CDC42: variants seen among roughly 807,000 people sequenced by gnomAD.
CDC42 encodes the protein cell division control protein 42 homolog.
In CDC42, 1 loss-of-function variant was observed where a neutral mutation model predicts 20.8. The ratio of observed to expected loss-of-function variants is 0.05; its 90% CI spans 0.02 to 0.23. CDC42 has a LOEUF of 0.23. Among genes scored for constraint, CDC42 ranks in the 10% least tolerant of loss-of-function variants. The pLI is 1.00. For synonymous variants in CDC42, 72 were observed against 84.8 expected, an observed-to-expected ratio of 0.85 and a Z score of 0.83; for missense variants, 49 against 227.9, an observed-to-expected ratio of 0.21 and a Z score of 5.05.
At chr1:22,074,167 C>G (rs531467374) in intron 1 of CDC42, 1 of 152,094 alleles carries the variant, frequency 6.6e-6, no homozygotes, top group Admixed American at 6.5e-5. Flanking sequence ...GCCTCTGCCC[C>G]CCGAGTTCAA....
At position 22,089,913 on chromosome 1, in the gene CDC42, C is replaced by T. The variant is rs1364227360; in HGVS notation, c.487-1515C>T. ...TCTTTCTAATCCTCTAACCTGGCTG[C>T]TATTCTCTCTCCTCCCCTCTGTCTT... On this transcript the variant is annotated intron_variant, in intron 5 of 5. Transcript: ENST00000656825. 2.7e-5 allele frequency: 43 copies of T among 1,608,738 alleles called. No homozygotes were observed. The Admixed American group carries it at 5.7e-4, about 21-fold the overall frequency.
chr1:22,075,870 A>G (rs917460688), intron 1 of CDC42, among the ~76,000 whole-genome samples: 4 of 152,214 alleles, frequency 2.6e-5, no homozygotes, highest in African/African-American at 7.2e-5. Context: ...AACAAATTGC[A>G]GAGCAGTCAG....
Position 22,092,514 on chromosome 1 carries a change from T to C in CDC42, c.*997T>C, listed in dbSNP as rs1410511287. 1 of 147,892 alleles carries C rather than the reference T, an allele frequency of 6.8e-6. No individual in the cohort carries two copies. The highest frequency in any genetic ancestry group is 1.5e-5 in the Non-Finnish European group (1 of 67,466). 9.2% of individuals were successfully genotyped at this position (147,892 alleles called of 1,614,324 possible). Reference sequence around the variant, plus strand: ...TGTTATGTAGAGGAAATACGAGGGGTGGTGCTAGAAGACAGACATCTGTGG... The same window carrying C: ...TGTTATGTAGAGGAAATACGAGGGGCGGTGCTAGAAGACAGACATCTGTGG... On this transcript the variant is annotated 3_prime_UTR_variant, in exon 6 of 6. Coordinates refer to ENST00000656825, the MANE Select transcript of CDC42 (RefSeq NM_001791.4).
At position 22,064,967 on chromosome 1, in the gene CDC42, C is replaced by T. The variant is rs556581182; in HGVS notation, c.-51+12225C>T. On this transcript the variant is annotated intron_variant, in intron 1 of 5. Transcript: ENST00000656825. ...CAGGCGTGCATTCTGGGATTACAGG[C>T]GTGAGCCACCGCTAAATTGCCTGCA... Among the ~76,000 whole-genome samples the T allele has an allele frequency of 3.3e-5, 5 of 152,140 alleles. No individual in the cohort carries two copies. The East Asian group carries it at 9.7e-4, about 29-fold the overall frequency.
chr1:22,085,330 C>T (rs897088830), intron 3 of CDC42, among the ~76,000 whole-genome samples: 1 of 151,942 alleles, frequency 6.6e-6, no homozygotes, highest in African/African-American at 2.4e-5. Flanking sequence ...CTCCCTATGC[C>T]AATACCGCAC....
rs1645773714 is a variant in CDC42 at position 22,098,938 on chromosome 1, G to A, written c.*7421G>A. On this transcript the variant is annotated 3_prime_UTR_variant, in exon 6 of 6. Transcript: ENST00000656825. ...CACGCCTGGCTCATTTTTGCATTTTGTGTAGAGAGGGGGTTTTGCCATTTT... is the reference window on the plus strand; with the variant it reads ...CACGCCTGGCTCATTTTTGCATTTTATGTAGAGAGGGGGTTTTGCCATTTT... Among the ~76,000 whole-genome samples, 1 of 152,048 alleles carries A rather than the reference G, an allele frequency of 6.6e-6. No individual in the cohort carries two copies. Among genetic ancestry groups the A allele is most frequent in the African/African-American group, 2.4e-5 (1 of 41,400 alleles).
intron 5 of CDC42, 54 bp from the exon 6 acceptor site, chr1:22,091,374 A>T: frequency 8.6e-7 from 1 of 1,168,728 alleles, no homozygotes; most frequent in African/African-American, 1.5e-5. Flanking sequence ...TTGAACTCCA[A>T]CTTTATTATA....
intron 1 of CDC42, among the ~76,000 whole-genome samples, chr1:22,061,950 T>C (rs185774358): frequency 3.0e-4 from 46 of 151,934 alleles, no homozygotes; most frequent in Admixed American, 1.4e-3. Flanking sequence ...TTATTTCTTT[T>C]TTTTGGAGAA....
In CDC42 at chr1:22,097,522, G is replaced by C. The variant is rs1428450783; in HGVS notation, c.*6005G>C. 2.6e-5 allele frequency among the ~76,000 whole-genome samples: 4 copies of C among 152,260 alleles called. No homozygotes were observed. The highest frequency in any genetic ancestry group is 2.6e-4 in the Admixed American group (4 of 15,286). The stretch of plus-strand genomic sequence containing the variant: ...CTCCCTAAGTGCTGGGATTATAGGC[G>C]TGAGCCACTGCGCCCGGCCTGAAAT... On this transcript the variant is annotated 3_prime_UTR_variant, in exon 6 of 6. Coordinates refer to ENST00000656825, the MANE Select transcript of CDC42 (RefSeq NM_001791.4).
At chr1:22,059,057 C>T (rs1391108899) in intron 1 of CDC42, 1 of 150,152 alleles carries the variant, frequency 6.7e-6, no homozygotes, top group Non-Finnish European at 1.5e-5. Flanking sequence ...AACTCCTGGC[C>T]TCAAGTGACC....
In CDC42 at chr1:22,098,283, T is replaced by C. The variant is rs979703990; in HGVS notation, c.*6766T>C. 6.6e-6 allele frequency among the ~76,000 whole-genome samples: 1 copy of C among 152,192 alleles called. No individual in the cohort carries two copies. The highest frequency in any genetic ancestry group is 1.5e-5 in the Non-Finnish European group (1 of 68,030). On this transcript the variant is annotated 3_prime_UTR_variant, in exon 6 of 6. Transcript: ENST00000656825. ...TGTAAAATTGCATACTTAGTTATCATTGAGGTCTCAAATGCAGTTCGGGTT... is the reference window on the plus strand; with the variant it reads ...TGTAAAATTGCATACTTAGTTATCACTGAGGTCTCAAATGCAGTTCGGGTT...
At chr1:22,072,115 T>C (rs1234911274) in intron 1 of CDC42, among the ~76,000 whole-genome samples, 5 of 52,850 alleles carry the variant, frequency 9.5e-5, no homozygotes, top group African/African-American at 3.2e-4. Flanking sequence ...TTTTTTTTTT[T>C]GGGATGGAGT....
intron 5 of CDC42, chr1:22,090,036 GT>G: frequency 6.2e-7 from 1 of 1,613,522 alleles, no homozygotes; most frequent in Admixed American, 1.7e-5. Context: ...ATTCTAAACT[GT>G]TTTCTCCTTC....
At chr1:22,061,399 ACT>A (rs1162904122) in intron 1 of CDC42, among the ~76,000 whole-genome samples, 2 of 115,354 alleles carry the variant, frequency 1.7e-5, no homozygotes, top group Middle Eastern at 3.8e-3. Context: ...CAAGAGCAAA[ACT>A]CTGTCTCAGG....
At chr1:22,073,892 C>G (rs1402739391) in intron 1 of CDC42, among the ~76,000 whole-genome samples, 2 of 151,914 alleles carry the variant, frequency 1.3e-5, no homozygotes, top group South Asian at 4.1e-4. Flanking sequence ...TTCAAGCAAT[C>G]TCCCCACCTT....
intron 1 of CDC42, among the ~76,000 whole-genome samples, chr1:22,069,826 C>A (rs988706604): frequency 1.3e-5 from 2 of 148,174 alleles, no homozygotes; most frequent in African/African-American, 5.0e-5. Flanking sequence ...TAGCATCTCC[C>A]TGTGTTGCCC....
At position 22,091,617 on chromosome 1, in the gene CDC42, A is replaced by G. The variant is rs1645715869; in HGVS notation, c.*100A>G. The G allele has an allele frequency of 4.9e-6, 4 of 808,904 alleles. No homozygotes were observed. Among genetic ancestry groups the G allele is most frequent in the Non-Finnish European group, 8.0e-6 (4 of 502,086 alleles). The allele number at this position is 808,904 out of a possible 1,614,324, so 50.1% of individuals were successfully genotyped here. On this transcript the variant is annotated 3_prime_UTR_variant, in exon 6 of 6. Transcript: ENST00000656825. Reference sequence around the variant, plus strand: ...ATTAAAAATTAAAATTCGTTTTTGCAATAATGACAAATGCCCTGCACCTAC... The same window carrying G: ...ATTAAAAATTAAAATTCGTTTTTGCGATAATGACAAATGCCCTGCACCTAC...
intron 1 of CDC42, among the ~76,000 whole-genome samples, chr1:22,055,248 C>T (rs1645292443): frequency 6.6e-6 from 1 of 151,076 alleles, no homozygotes; most frequent in Non-Finnish European, 1.5e-5. Flanking sequence ...CCACCGTGCC[C>T]GGCCTGAATT....
chr1:22,062,678 G>A (rs1645378565), intron 1 of CDC42, among the ~76,000 whole-genome samples: 1 of 137,784 alleles, frequency 7.3e-6, no homozygotes, highest in Non-Finnish European at 1.5e-5. Context: ...GAGGCCAGCA[G>A]TTTGAGACGA....
Sources: allele counts gnomAD v4.1 joint callset (sites outside exome capture counted in the v4.1 genomes callset), GRCh38; gene constraint gnomAD v4.1.1; transcripts MANE v1.5; gene names NCBI Gene and HGNC (gene_info 2026-07-23, HGNC 2026-07-21).